Variants in METTL25 observed in about 807,000 individuals in gnomAD.
The protein encoded by METTL25 is methyltransferase like 25, also known as probable methyltransferase-like protein 25.
Under a neutral mutation model 71.6 loss-of-function variants are expected in METTL25, and 64 were observed. That is an observed-to-expected ratio of 0.89 (90% CI 0.73 to 1.10). The LOEUF (loss-of-function observed/expected upper bound fraction) is 1.10. Ranked by LOEUF, METTL25 falls within the 50% of genes least tolerant of loss-of-function variation. The probability of loss-of-function intolerance (pLI) is 0.00; values close to 1 mark genes in which losing one functional copy is unlikely to be tolerated. For missense variants in METTL25, 807 were observed against 707.0 expected, an observed-to-expected ratio of 1.14 and a Z score of -1.60; for synonymous variants, 287 against 250.3, an observed-to-expected ratio of 1.15 and a Z score of -1.38.
chr12:82,398,169 A>C (rs1565827399), intron 3 of METTL25, among the ~76,000 whole-genome samples: 1 of 151,372 alleles, frequency 6.6e-6, no homozygotes, highest in African/African-American at 2.4e-5. Flanking sequence ...GGTTTTGTAC[A>C]TCCTTCATTA....
At chr12:82,441,584 G>A (rs986743935) in intron 8 of METTL25, among the ~76,000 whole-genome samples, 14 of 151,696 alleles carry the variant, frequency 9.2e-5, no homozygotes, top group Non-Finnish European at 1.9e-4. Flanking sequence ...ACTGGCTAGG[G>A]GTTTCCGGAC....
At chr12:82,440,364 C>T (rs1890227179) in intron 8 of METTL25, among the ~76,000 whole-genome samples, 2 of 151,910 alleles carry the variant, frequency 1.3e-5, no homozygotes, top group African/African-American at 2.4e-5. Flanking sequence ...CTCACAAATA[C>T]ATCAGTCAGC....
rs1476378621 is a variant in METTL25, at chr12:82,454,985, T to C, written c.1479-1742T>C. 2.0e-5 allele frequency among the ~76,000 whole-genome samples: 3 copies of C among 152,002 alleles called. No homozygotes were observed. The East Asian group carries it at 5.8e-4, about 29-fold the overall frequency. The stretch of plus-strand genomic sequence containing the variant: ...TGAAGTAAATGCTATTGATATCCTC[T>C]TTTAATGAACAAGAAACTCATAGAT... On this transcript the variant is annotated intron_variant, in intron 8 of 11. Transcript: ENST00000248306.
At chr12:82,409,377 T>C (rs754201261) in intron 5 of METTL25, among the ~76,000 whole-genome samples, 2 of 152,176 alleles carry the variant, frequency 1.3e-5, no homozygotes, top group Non-Finnish European at 2.9e-5. Flanking sequence ...ATATTGATTA[T>C]TGTAATAATT....
intron 9 of METTL25, among the ~76,000 whole-genome samples, chr12:82,473,462 G>A (rs1326884585): frequency 6.6e-6 from 1 of 152,116 alleles, no homozygotes; most frequent in South Asian, 2.1e-4. Flanking sequence ...TGGCTTGGAG[G>A]CTTGTATACT....
rs1048694998 is a variant in METTL25, at chr12:82,358,950, G to C, written c.259+126G>C. The C allele has an allele frequency of 9.9e-6, 11 of 1,111,796 alleles. No individual in the cohort carries two copies. In the South Asian group the frequency reaches 1.5e-4, roughly 15 times the overall value. The allele number at this position is 1,111,796 out of a possible 1,614,324, so 68.9% of individuals were successfully genotyped here. A position where few individuals can be genotyped will look rare whatever the true frequency, so the allele number is the denominator to read the frequency against. The stretch of plus-strand genomic sequence containing the variant: ...CGGCGGAGGCGGGGCGGCCCGCTGG[G>C]AAACCGAGGAGGGGTCGGATTAGTT... On this transcript the variant is annotated intron_variant, in intron 1 of 11. Coordinates refer to ENST00000248306, the MANE Select transcript of METTL25 (RefSeq NM_032230.3).
rs560356916 is a variant in METTL25 at position 82,405,660 on chromosome 12, T to C, written c.1279+2530T>C. Reference sequence around the variant, plus strand: ...TCATGTATTCTAACTAAAATGAATTTGAATAGGGCATGTTAGATAGAGAGG... The same window carrying C: ...TCATGTATTCTAACTAAAATGAATTCGAATAGGGCATGTTAGATAGAGAGG... On this transcript the variant is annotated intron_variant, in intron 5 of 11. Transcript: ENST00000248306. Among the ~76,000 whole-genome samples, 9 of 152,316 alleles carry C rather than the reference T, an allele frequency of 5.9e-5. No homozygotes were observed. The East Asian group carries it at 1.7e-3, about 29-fold the overall frequency.
chr12:82,371,780 C>G (rs112773319), intron 1 of METTL25, among the ~76,000 whole-genome samples: 12 of 152,096 alleles, frequency 7.9e-5, no homozygotes, highest in Admixed American at 6.5e-4. Context: ...ATTTTCTTAA[C>G]GCCTCCTGTA....
intron 5 of METTL25, among the ~76,000 whole-genome samples, chr12:82,429,942 G>A (rs1889354611): frequency 1.3e-5 from 2 of 151,434 alleles, no homozygotes; most frequent in African/African-American, 4.8e-5. Flanking sequence ...GGCTATGATT[G>A]TAAAAGTTAA....
intron 9 of METTL25, among the ~76,000 whole-genome samples, chr12:82,460,888 A>T (rs2137269265): frequency 6.6e-6 from 1 of 152,374 alleles, no homozygotes; most frequent in East Asian, 1.9e-4. Context: ...TCACGCCTGT[A>T]ATCCCAGCAC....
intron 10 of METTL25, 69 bp downstream of exon 10, chr12:82,476,787 T>C: frequency 2.1e-6 from 2 of 953,310 alleles, no homozygotes; most frequent in South Asian, 3.2e-5. Context: ...TATTAAATTT[T>C]ATTATGGGCT....
intron 8 of METTL25, among the ~76,000 whole-genome samples, chr12:82,453,312 G>A (rs979979875): frequency 1.3e-5 from 2 of 152,168 alleles, no homozygotes; most frequent in African/African-American, 2.4e-5. Flanking sequence ...TTGGTGTGGT[G>A]TCATGGAATC....
In METTL25 at chr12:82,438,783, C is replaced by T; in HGVS notation, c.1470C>T (p.Ile490=). 2.0e-6 allele frequency: 3 copies of T among 1,496,256 alleles called. No homozygotes were observed. Among genetic ancestry groups the T allele is most frequent in the Non-Finnish European group, 1.8e-6 (2 of 1,094,628 alleles). 92.7% of individuals were successfully genotyped at this position (1,496,256 alleles called of 1,614,324 possible). ...ATATTATTAAAGATTGTTATGGCAT[C>T]ACCAAATGGTATGAGGATTTTATTT... ...LQDIIKDCYG[I]TKCDRHVGKI... is the part of the protein sequence containing the mutation. Residue 490 remains isoleucine (I), a synonymous_variant, in exon 8 of 12, where the codon ATC becomes ATT. Coordinates refer to ENST00000248306, the MANE Select transcript of METTL25 (RefSeq NM_032230.3).
At chr12:82,373,188 A>G (rs1022221756) in intron 1 of METTL25, among the ~76,000 whole-genome samples, 1 of 152,098 alleles carries the variant, frequency 6.6e-6, no homozygotes, top group Non-Finnish European at 1.5e-5. Flanking sequence ...GTTATGCCCC[A>G]AAAATGAAGT....
chr12:82,472,349 A>G (rs1892619533), intron 9 of METTL25, among the ~76,000 whole-genome samples: 1 of 152,212 alleles, frequency 6.6e-6, no homozygotes, highest in South Asian at 2.1e-4. Context: ...CTGTAATCCC[A>G]GCACTTTGGG....
At chr12:82,432,752 A>G (rs1889611847) in intron 6 of METTL25, among the ~76,000 whole-genome samples, 1 of 151,418 alleles carries the variant, frequency 6.6e-6, no homozygotes, top group African/African-American at 2.4e-5. Flanking sequence ...TTTGATTCCA[A>G]AGTAATGTTG....
At chr12:82,361,417 A>G (rs2136786229) in intron 1 of METTL25, among the ~76,000 whole-genome samples, 1 of 152,134 alleles carries the variant, frequency 6.6e-6, no homozygotes, top group East Asian at 1.9e-4. Context: ...GTGCGCCCGC[A>G]CTCCTCAGCC....
At chr12:82,446,095 A>G (rs1194095680) in intron 8 of METTL25, among the ~76,000 whole-genome samples, 1 of 152,152 alleles carries the variant, frequency 6.6e-6, no homozygotes. Context: ...TCATTATATA[A>G]TGATAGGCAG....
intron 5 of METTL25, among the ~76,000 whole-genome samples, chr12:82,430,502 T>A (rs573043926): frequency 6.6e-6 from 1 of 151,808 alleles, no homozygotes; most frequent in South Asian, 2.1e-4. Flanking sequence ...TATAATAAAT[T>A]GCCAAATGTC....
Sources: gnomAD v4.1 joint callset for allele counts (sites outside exome capture counted in the v4.1 genomes callset) on GRCh38, gnomAD v4.1.1 for gene constraint, MANE v1.5 for transcripts, NCBI Gene and HGNC (gene_info 2026-07-23, HGNC 2026-07-21) for gene names.